ANKRD11: variants seen among roughly 807,000 people sequenced by gnomAD.
ANKRD11 encodes the protein ankyrin repeat domain 11.
A neutral mutation model predicts 195.7 loss-of-function variants in ANKRD11; 17 were observed. That is an observed-to-expected ratio of 0.09 (90% CI 0.06 to 0.13). The LOEUF is 0.13. ANKRD11 is among the 10% of genes least tolerant of loss of function. The pLI, the probability that ANKRD11 is intolerant of heterozygous loss-of-function variation, is 1.00. For synonymous variants in ANKRD11, 1,953 were observed against 1,528.1 expected (o/e 1.28, Z -6.49); for missense variants, 3,735 against 3,566.1 (o/e 1.05, Z -1.21).
chr16:89,270,843 C>A lies in ANKRD11; in HGVS notation c.7780G>T (p.Val2594Leu). Residue 2594 changes from valine to leucine, a missense_variant, in exon 12 of 13, where the codon GTG (valine) becomes TTG (leucine). Val to Leu is a conservative substitution (Grantham distance 32). Transcript: ENST00000301030. ...ARQFISWLQD[V>L]DDKYDRMKTC... ...TTCATGCGGTCATACTTGTCATCCA[C>A]GTCCTGGAGCCAGGAGATGAACTGG... 1 of 1,614,056 alleles carries A rather than the reference C, an allele frequency of 6.2e-7. No homozygotes were observed. The highest frequency in any genetic ancestry group is 8.5e-7 in the Non-Finnish European group (1 of 1,180,008).
At chr16:89,374,901 T>C (rs2040353265) in intron 2 of ANKRD11, among the ~76,000 whole-genome samples, 2 of 151,970 alleles carry the variant, frequency 1.3e-5, no homozygotes, top group South Asian at 2.1e-4. Flanking sequence ...TTGGAAAGAA[T>C]TACAAACCAT....
At chr16:89,270,954 C>T (rs182040011) in intron 11 of ANKRD11, 45 bp from the exon 12 acceptor site, 134 of 1,594,790 alleles carry the variant, frequency 8.4e-5, no homozygotes, top group Middle Eastern at 1.7e-4. Flanking sequence ...CCCCAGAGAC[C>T]GCTACGGGAA....
chr16:89,463,674 TAAATA>T (rs1006215303), intron 1 of ANKRD11, among the ~76,000 whole-genome samples: 20 of 146,116 alleles, frequency 1.4e-4, no homozygotes, highest in African/African-American at 4.8e-4. Flanking sequence ...CAATAAAAAA[TAAATA>T]AATTAAAAAA....
rs375212304 is a variant in ANKRD11, at chr16:89,285,667, C to T, written c.893-18G>A. ...TGAGCTCTCTGTTGGAGGTAGGAAG[C>T]GAGAGGTCACAGGCAGGCTCAAAAC... On this transcript the variant is annotated intron_variant, in intron 8 of 12. Coordinates refer to ENST00000301030, the MANE Select transcript of ANKRD11 (RefSeq NM_013275.6). The surrounding 1 kb of genome is among the most constrained non-coding windows in gnomAD (Gnocchi z 5.6). The T allele has an allele frequency of 2.0e-5, 32 of 1,613,430 alleles. No homozygotes were observed. In the African/African-American group the frequency reaches 2.5e-4, roughly 13 times the overall value.
In ANKRD11 at chr16:89,383,537, G is replaced by A. The variant is rs902740085; in HGVS notation, c.-60+34747C>T. Among the ~76,000 whole-genome samples the A allele has an allele frequency of 3.9e-5, 6 of 152,242 alleles. No individual in the cohort carries two copies. The South Asian group carries it at 8.3e-4, about 21-fold the overall frequency. On this transcript the variant is annotated intron_variant, in intron 2 of 12. Coordinates refer to ENST00000301030, the MANE Select transcript of ANKRD11 (RefSeq NM_013275.6). ...CTGCTGCCTCCTGTGTCTGCAAGAA[G>A]GAAGAGCCATGAAGTTCCCATGGAA... is the stretch of plus-strand genomic sequence containing the variant.
intron 2 of ANKRD11, among the ~76,000 whole-genome samples, chr16:89,414,739 C>T (rs2042226753): frequency 6.6e-6 from 1 of 152,046 alleles, no homozygotes; most frequent in African/African-American, 2.4e-5. Flanking sequence ...CACACCTGGC[C>T]CAACCTCAGG....
At chr16:89,398,354 T>TGG (rs2041548920) in intron 2 of ANKRD11, among the ~76,000 whole-genome samples, 1 of 88,478 alleles carries the variant, frequency 1.1e-5, no homozygotes, top group African/African-American at 4.1e-5. Flanking sequence ...CTCAGCACTC[T>TGG]AGGAGGCTGA....
chr16:89,357,871 C>A (rs1369789736), intron 2 of ANKRD11, among the ~76,000 whole-genome samples: 5 of 152,246 alleles, frequency 3.3e-5, no homozygotes, highest in Admixed American at 3.3e-4. Flanking sequence ...CTGCCCCTTT[C>A]TGGGGACACC....
At chr16:89,442,902 C>T (rs952880328) in intron 1 of ANKRD11, among the ~76,000 whole-genome samples, 1 of 152,240 alleles carries the variant, frequency 6.6e-6, no homozygotes, top group African/African-American at 2.4e-5. Flanking sequence ...CAACACCTCA[C>T]CACAGCACCC....
intron 2 of ANKRD11, among the ~76,000 whole-genome samples, chr16:89,413,884 C>CAGG (rs1458800325): frequency 6.6e-6 from 1 of 152,130 alleles, no homozygotes; most frequent in Non-Finnish European, 1.5e-5. Context: ...TGGGGGGAGG[C>CAGG]AGGAGGGTGG....
At chr16:89,414,809 A>T (rs2042229384) in intron 2 of ANKRD11, among the ~76,000 whole-genome samples, 1 of 152,232 alleles carries the variant, frequency 6.6e-6, no homozygotes, top group Non-Finnish European at 1.5e-5. Flanking sequence ...GATGGGAGAG[A>T]AGAGCACAGC....
rs2034597234 is a variant in ANKRD11 at position 89,285,632 on chromosome 16, C to T, written c.910G>A (p.Asp304Asn). 1 of 1,614,072 alleles carries T rather than the reference C, an allele frequency of 6.2e-7. No homozygotes were observed. The highest frequency in any genetic ancestry group is 1.3e-5 in the African/African-American group (1 of 74,936). Residue 304 changes from aspartate to asparagine, a missense_variant, in exon 9 of 13, where the codon GAC becomes AAC. Asp to Asn is a conservative substitution (Grantham distance 23). Transcript: ENST00000301030. The surrounding 1 kb of genome is among the most constrained non-coding windows in gnomAD (Gnocchi z 5.6). ...CTGGAAGGTGCGAAGGATGGTGCGTCTTCCTCTTCTGAGCTCTCTGTTGGA... is the reference window on the plus strand; with the variant it reads ...CTGGAAGGTGCGAAGGATGGTGCGTTTTCCTCTTCTGAGCTCTCTGTTGGA... ...ESSTESSEEEDAPSFAPSSSV... is the reference protein window; with the variant it reads ...ESSTESSEEENAPSFAPSSSV...
intron 4 of ANKRD11, among the ~76,000 whole-genome samples, chr16:89,296,615 A>G (rs2035451856): frequency 6.6e-6 from 1 of 152,226 alleles, no homozygotes; most frequent in South Asian, 2.1e-4. Context: ...CCTGATGAAT[A>G]CTGTGCATTT....
At chr16:89,399,859 C>T (rs917675883) in intron 2 of ANKRD11, among the ~76,000 whole-genome samples, 13 of 152,138 alleles carry the variant, frequency 8.5e-5, no homozygotes, top group African/African-American at 3.1e-4. Flanking sequence ...TCCCAGAGCA[C>T]AGGGCTTGGA....
intron 1 of ANKRD11, among the ~76,000 whole-genome samples, chr16:89,460,008 G>A (rs1360374700): frequency 6.6e-6 from 1 of 152,018 alleles, no homozygotes; most frequent in East Asian, 1.9e-4. Flanking sequence ...GGCTGAGGTA[G>A]GTGGATCATT....
At chr16:89,446,758 T>C (rs933868953) in intron 1 of ANKRD11, among the ~76,000 whole-genome samples, 2 of 152,166 alleles carry the variant, frequency 1.3e-5, no homozygotes, top group African/African-American at 4.8e-5. Context: ...AGCAGCTTCC[T>C]GTCCAGTGAG....
chr16:89,471,407 G>A (rs1020536167), intron 1 of ANKRD11, among the ~76,000 whole-genome samples: 3 of 152,124 alleles, frequency 2.0e-5, no homozygotes, highest in Non-Finnish European at 4.4e-5. Context: ...CTGCAGCCCT[G>A]AAGGAGTCCA....
At chr16:89,278,583 AGCTGCAGCTCT>A (rs770448940) in intron 9 of ANKRD11, 6 of 457,160 alleles carry the variant, frequency 1.3e-5, no homozygotes, top group South Asian at 9.3e-5. Context: ...GCCCCAAGGG[AGCTGCAGCTCT>A]GCTGTCCCAG....
chr16:89,416,942 T>A (rs908917473), intron 2 of ANKRD11, among the ~76,000 whole-genome samples: 2 of 152,012 alleles, frequency 1.3e-5, no homozygotes, highest in African/African-American at 4.8e-5. Context: ...GGCACCCCTT[T>A]TATCACAACC....
Sources: allele counts gnomAD v4.1 joint callset (sites outside exome capture counted in the v4.1 genomes callset), GRCh38; gene constraint gnomAD v4.1.1; non-coding constraint Gnocchi (gnomAD v3.1); transcripts MANE v1.5; gene names NCBI Gene and HGNC (gene_info 2026-07-23, HGNC 2026-07-21).